The following CCDC88B variants were observed in gnomAD, a reference collection of about 807,000 sequenced individuals.
CCDC88B encodes the protein coiled-coil domain-containing protein 88B.
CCDC88B carries 138 observed loss-of-function variants against 183.7 expected under a neutral mutation model. The ratio of observed to expected loss-of-function variants is 0.75; its 90% CI spans 0.65 to 0.87. CCDC88B has a LOEUF of 0.87. Ranked by LOEUF, CCDC88B falls within the 40% of genes least tolerant of loss-of-function variation. The probability of loss-of-function intolerance (pLI) is 0.00; values close to 1 mark genes in which losing one functional copy is unlikely to be tolerated. For synonymous variants in CCDC88B, 835 were observed against 867.5 expected (o/e 0.96, Z 0.66); for missense variants, 1,822 against 1,965.6 (o/e 0.93, Z 1.38).
rs371057275 is a variant in CCDC88B at position 64,349,537 on chromosome 11, G to A, written c.2745-14G>A. 1.9e-5 allele frequency: 31 copies of A among 1,593,072 alleles called. No homozygotes were observed. Among genetic ancestry groups the A allele is most frequent in the African/African-American group, 4.0e-5 (3 of 74,690 alleles). On this transcript the variant is annotated splice_polypyrimidine_tract_variant and intron_variant, in intron 15 of 26. Coordinates refer to ENST00000356786, the MANE Select transcript of CCDC88B (RefSeq NM_032251.6). ...GGGTGGGGTGGGGCTGGGTGCTAAG[G>A]ATTCTCCTGGCAGGTACCAGGGCTT...
At position 64,341,034 on chromosome 11, in the gene CCDC88B, G is replaced by C. The variant is rs780876640; in HGVS notation, c.318+16G>C. 5.0e-6 allele frequency: 8 copies of C among 1,612,942 alleles called. No homozygotes were observed. The highest frequency in any genetic ancestry group is 5.9e-6 in the Non-Finnish European group (7 of 1,179,284). ...CTTCTACCAGGTAAGGGGTCTCGAG[G>C]GAAAGGCGGAGACAGGAGGGGAAGA... is the stretch of plus-strand genomic sequence containing the variant. On this transcript the variant is annotated intron_variant, in intron 3 of 26. Coordinates refer to ENST00000356786, the MANE Select transcript of CCDC88B (RefSeq NM_032251.6).
intron 18 of CCDC88B, 43 bp from the exon 19 acceptor site, chr11:64,352,087 G>A: frequency 6.6e-7 from 1 of 1,513,370 alleles, no homozygotes; most frequent in Non-Finnish European, 8.9e-7. Context: ...TTTCCAGCCA[G>A]GGGTTCCTCC....
Position 64,343,195 on chromosome 11 carries a change from C to CG in CCDC88B, c.1084dup (p.Val362GlyfsTer56). Reference sequence around the variant, plus strand: ...TCCCACCAGGAGGAGCGGGTGCTCTCGGGGGTGCTGGAGGCGTCCAAGGCG... The same window carrying CG: ...TCCCACCAGGAGGAGCGGGTGCTCTCGGGGGGTGCTGGAGGCGTCCAAGGCG... On this transcript the variant is annotated frameshift_variant, in exon 11 of 27. Coordinates refer to ENST00000356786, the MANE Select transcript of CCDC88B (RefSeq NM_032251.6). LOFTEE classifies it high-confidence loss of function. 1 of 1,537,700 alleles carries CG rather than the reference C, an allele frequency of 6.5e-7. No homozygotes were observed. Among genetic ancestry groups the CG allele is most frequent in the Non-Finnish European group, 8.8e-7 (1 of 1,141,452 alleles).
At position 64,341,361 on chromosome 11, in the gene CCDC88B, C is replaced by G. The variant is rs374646135; in HGVS notation, c.447+33C>G. 3.1e-6 allele frequency: 5 copies of G among 1,613,954 alleles called. No homozygotes were observed. The Admixed American group carries it at 5.0e-5, about 16-fold the overall frequency. On this transcript the variant is annotated intron_variant, in intron 5 of 26. Coordinates refer to ENST00000356786, the MANE Select transcript of CCDC88B (RefSeq NM_032251.6). ...GGCGGTGGGAAGGAAAGGTTAGGGT[C>G]GAGCTTTGGCGGTAGAGGAGGGAGA...
Position 64,352,288 on chromosome 11 carries a change from G to A in CCDC88B, c.3258G>A (p.Arg1086=). The A allele has an allele frequency of 6.3e-7, 1 of 1,576,252 alleles. No homozygotes were observed. The highest frequency in any genetic ancestry group is 8.6e-7 in the Non-Finnish European group (1 of 1,161,806). The change falls in exon 19 of 27, where the codon CGG becomes CGA. Residue 1086 remains arginine, a synonymous_variant. Transcript: ENST00000356786. ...ACAAGGCCCTGGCACAGCTGCAGCG[G>A]CGGCAGGAGGCCGAGCTAGAGGGAC... The part of the protein sequence containing the change: ...RDHKALAQLQ[R]RQEAELEGLL...
chr11:64,351,913 G>A (rs1344980472), intron 18 of CCDC88B, among the ~76,000 whole-genome samples: 6 of 151,858 alleles, frequency 4.0e-5, no homozygotes, highest in African/African-American at 1.2e-4. Context: ...TGCCCCTTCC[G>A]GACAGCCTGG....
chr11:64,351,683 C>T lies in CCDC88B; in HGVS notation c.3099+67C>T, dbSNP rs1017658758. 55 of 1,453,270 alleles carry T rather than the reference C, an allele frequency of 3.8e-5. No individual in the cohort carries two copies. The East Asian group carries it at 1.3e-3, about 35-fold the overall frequency. The allele number at this position is 1,453,270 out of a possible 1,614,324, so 90.0% of individuals were successfully genotyped here. A position where few individuals can be genotyped will look rare whatever the true frequency, so the allele number is the denominator to read the frequency against. On this transcript the variant is annotated intron_variant, in intron 18 of 26. Transcript: ENST00000356786. ...CCCCTCCTGCTCCTTTTGGATCATCCTGTGGCCTTTTTCTATCCCAGCTCC... is the reference window on the plus strand; with the variant it reads ...CCCCTCCTGCTCCTTTTGGATCATCTTGTGGCCTTTTTCTATCCCAGCTCC...
chr11:64,354,086 G>A lies in CCDC88B; in HGVS notation c.4015G>A (p.Gly1339Arg). The A allele has an allele frequency of 2.1e-6, 3 of 1,423,826 alleles. No individual in the cohort carries two copies. The highest frequency in any genetic ancestry group is 2.8e-6 in the Non-Finnish European group (3 of 1,083,452). 88.2% of individuals were successfully genotyped at this position (1,423,826 alleles called of 1,614,324 possible). The stretch of plus-strand genomic sequence containing the variant: ...GGGCCCCCCTGGGGGGCTGCGCCTG[G>A]GGGCCGATGGGGCTGGCAGCACCGA... ...EGGPPGGLRL[G>R]ADGAGSTESL... is the part of the protein sequence containing the mutation. Residue 1339 changes from glycine (G) to arginine (R), a missense_variant, in exon 24 of 27, where the codon GGG becomes AGG. Coordinates refer to ENST00000356786, the MANE Select transcript of CCDC88B (RefSeq NM_032251.6).
At position 64,343,603 on chromosome 11, in the gene CCDC88B, T is replaced by C; in HGVS notation, c.1306T>C (p.Ser436Pro). ...GCGGAGCTTGGAGCCACCTCCAGGA[T>C]CCCCTGGGGAGGGTGAGGGACCCCA... ...LQRSLEPPPGSPGEAPLAGAA... is the reference protein window; with the variant it reads ...LQRSLEPPPGPPGEAPLAGAA... Residue 436 changes from serine to proline, a missense_variant, in exon 12 of 27, where the codon TCC (serine) becomes CCC (proline). By Grantham distance (74) the Ser-to-Pro change is moderately conservative (BLOSUM62 -1). Coordinates refer to ENST00000356786, the MANE Select transcript of CCDC88B (RefSeq NM_032251.6). 1 of 1,551,374 alleles carries C rather than the reference T, an allele frequency of 6.4e-7. No homozygotes were observed. The highest frequency in any genetic ancestry group is 2.4e-5 in the East Asian group (1 of 40,962).
intron 10 of CCDC88B, chr11:64,342,886 G>A: frequency 2.0e-6 from 1 of 505,494 alleles, no homozygotes; most frequent in African/African-American, 2.1e-5. Flanking sequence ...TGGGGGGGCT[G>A]TGTAAGTGAT....
intron 24 of CCDC88B, among the ~76,000 whole-genome samples, chr11:64,354,536 C>T (rs1328854260): frequency 6.6e-6 from 1 of 151,960 alleles, no homozygotes; most frequent in Non-Finnish European, 1.5e-5. Context: ...AGTATGAAGG[C>T]CAGCACAGGG....
chr11:64,352,120 T>C lies in CCDC88B; in HGVS notation c.3100-10T>C, dbSNP rs200308976. On this transcript the variant is annotated splice_polypyrimidine_tract_variant and intron_variant, in intron 18 of 26. Coordinates refer to ENST00000356786, the MANE Select transcript of CCDC88B (RefSeq NM_032251.6). Reference sequence around the variant, plus strand: ...TCCCCAGCAGCCCCTGCTTCCCTCCTCCATCCTAGGCCGAGAAGTCTGTGC... The same window carrying C: ...TCCCCAGCAGCCCCTGCTTCCCTCCCCCATCCTAGGCCGAGAAGTCTGTGC... 1.3e-6 allele frequency: 2 copies of C among 1,528,710 alleles called. No homozygotes were observed. Among genetic ancestry groups the C allele is most frequent in the Non-Finnish European group, 1.8e-6 (2 of 1,134,400 alleles). 94.7% of individuals were successfully genotyped at this position (1,528,710 alleles called of 1,614,324 possible).
In CCDC88B at chr11:64,344,330, T is replaced by G; in HGVS notation, c.1789T>G (p.Ser597Ala). 1 of 1,612,560 alleles carries G rather than the reference T, an allele frequency of 6.2e-7. No homozygotes were observed. Among genetic ancestry groups the G allele is most frequent in the Non-Finnish European group, 8.5e-7 (1 of 1,179,462 alleles). Residue 597 changes from serine (S) to alanine (A), a missense_variant, in exon 14 of 27, where the codon TCT becomes GCT. Coordinates refer to ENST00000356786, the MANE Select transcript of CCDC88B (RefSeq NM_032251.6). The surrounding 1 kb of genome is among the most constrained non-coding windows in gnomAD (Gnocchi z 4.5). ...ESPEKAGRRS[S>A]LQSPASVAPP... Reference sequence around the variant, plus strand: ...CCCGGAGAAGGCTGGCCGTAGATCCTCTCTCCAGAGCCCTGCCTCTGTGGC... The same window carrying G: ...CCCGGAGAAGGCTGGCCGTAGATCCGCTCTCCAGAGCCCTGCCTCTGTGGC...
At chr11:64,342,786 A>C (rs950368420) in intron 10 of CCDC88B, 106 bp downstream of exon 10, 2 of 1,310,968 alleles carry the variant, frequency 1.5e-6, no homozygotes, top group Admixed American at 5.9e-5. Flanking sequence ...TCTGGAGGGG[A>C]CAGTCACAGG....
In CCDC88B at chr11:64,342,700, G is replaced by T; in HGVS notation, c.1062+20G>T. On this transcript the variant is annotated intron_variant, in intron 10 of 26. Coordinates refer to ENST00000356786, the MANE Select transcript of CCDC88B (RefSeq NM_032251.6). ...CTGGAGGTGAGGCGGAGACGGAGCC[G>T]CGGGGCGGGGCGTGCGCGAGGGGGC... 1 of 1,454,920 alleles carries T rather than the reference G, an allele frequency of 6.9e-7. No homozygotes were observed. The highest frequency in any genetic ancestry group is 1.4e-5 in the South Asian group (1 of 71,852). 90.1% of individuals were successfully genotyped at this position (1,454,920 alleles called of 1,614,324 possible). A position where few individuals can be genotyped will look rare whatever the true frequency, so the allele number is the denominator to read the frequency against.
chr11:64,349,028 C>T, intron 14 of CCDC88B: 2 of 717,612 alleles, frequency 2.8e-6, no homozygotes, highest in Non-Finnish European at 5.2e-6. Flanking sequence ...TCACTGCGCA[C>T]ATGAAGAACC....
chr11:64,343,103 G>T, intron 10 of CCDC88B, 76 bp from the exon 11 acceptor site: 1 of 1,441,396 alleles, frequency 6.9e-7, no homozygotes, highest in Non-Finnish European at 9.2e-7. Flanking sequence ...AGGCTGAGGG[G>T]AAGGAGTTTG....
At chr11:64,349,760 C>CTA in intron 16 of CCDC88B, 92 bp downstream of exon 16, 1 of 1,232,330 alleles carries the variant, frequency 8.1e-7, no homozygotes, top group South Asian at 1.3e-5. Context: ...CCTAGTCTTG[C>CTA]CTCTGGATTC....
Position 64,343,555 on chromosome 11 carries a change from G to T in CCDC88B, c.1258G>T (p.Val420Leu), listed in dbSNP as rs1390647934. ...GGTGGACCAGCTGGCTGAGGAGAATGTGGAGCTGGAGCTGGAGCTTCAGCG... is the reference window on the plus strand; with the variant it reads ...GGTGGACCAGCTGGCTGAGGAGAATTTGGAGCTGGAGCTGGAGCTTCAGCG... ...HQVDQLAEEN[V>L]ELELELQRSL... The change falls in exon 12 of 27, where the codon GTG becomes TTG. Residue 420 changes from valine (V) to leucine (L), a missense_variant. By Grantham distance (32) the Val-to-Leu change is conservative (BLOSUM62 1). Transcript: ENST00000356786. The T allele has an allele frequency of 6.4e-7, 1 of 1,551,946 alleles. No individual in the cohort carries two copies. Among genetic ancestry groups the T allele is most frequent in the Non-Finnish European group, 8.7e-7 (1 of 1,147,170 alleles).
Sources: allele counts gnomAD v4.1 joint callset (sites outside exome capture counted in the v4.1 genomes callset), GRCh38; gene constraint gnomAD v4.1.1; non-coding constraint Gnocchi (gnomAD v3.1); transcripts MANE v1.5; gene names NCBI Gene and HGNC (gene_info 2026-07-23, HGNC 2026-07-21).